Variants in MAF observed in about 807,000 individuals in gnomAD.
The protein encoded by MAF is transcription factor Maf.
MAF carries 10 observed loss-of-function variants against 22.0 expected under a neutral mutation model. The ratio of observed to expected loss-of-function variants is 0.45; its 90% CI spans 0.28 to 0.77. The LOEUF is 0.77. MAF is among the 30% of genes least tolerant of loss of function. The pLI is 0.12. For synonymous variants in MAF, 337 were observed against 255.8 expected, an observed-to-expected ratio of 1.32 and a Z score of -3.03; for missense variants, 544 against 548.4, an observed-to-expected ratio of 0.99 and a Z score of 0.08.
chr16:79,577,344 G>A, the MAF span, among the ~76,000 whole-genome samples: 223 of 152,310 alleles, frequency 1.5e-3, 1 homozygote, highest in African/African-American at 5.2e-3. Flanking sequence ...GGAGGAATGA[G>A]GGAATCAACT....
At chr16:79,504,545 C>T in the MAF span, among the ~76,000 whole-genome samples, 3 of 151,978 alleles carry the variant, frequency 2.0e-5, no homozygotes, top group African/African-American at 7.3e-5. Context: ...AAACAATTAC[C>T]CAATAATTCT....
the MAF span, among the ~76,000 whole-genome samples, chr16:79,481,865 C>T: frequency 6.6e-6 from 1 of 152,180 alleles, no homozygotes; most frequent in East Asian, 1.9e-4. Context: ...GAGACAGTCA[C>T]AGGAAGGTGT....
chr16:79,452,633 T>A, the MAF span, among the ~76,000 whole-genome samples: 1 of 152,206 alleles, frequency 6.6e-6, no homozygotes, highest in Non-Finnish European at 1.5e-5. Context: ...TAATCGTGCA[T>A]CAGACTTGCT....
chr16:79,270,748 C>T, the MAF span, among the ~76,000 whole-genome samples: 1 of 152,224 alleles, frequency 6.6e-6, no homozygotes, highest in East Asian at 1.9e-4. Flanking sequence ...GCTTGGAAGG[C>T]GATCTCTTCC....
chr16:79,532,145 T>C, the MAF span, among the ~76,000 whole-genome samples: 1 of 152,212 alleles, frequency 6.6e-6, no homozygotes, highest in African/African-American at 2.4e-5. Context: ...CTGGGCATCT[T>C]GTGACTTTAT....
At chr16:79,258,767 C>T in the MAF span, among the ~76,000 whole-genome samples, 1 of 152,206 alleles carries the variant, frequency 6.6e-6, no homozygotes, top group African/African-American at 2.4e-5. Flanking sequence ...CTTCAAGAGC[C>T]TGCTCCAACC....
At chr16:79,598,755 T>C in intron 1 of MAF, 30 bp downstream of exon 1, 2 of 1,613,384 alleles carry the variant, frequency 1.2e-6, no homozygotes, top group Non-Finnish European at 1.7e-6. Context: ...CTTATCAGGG[T>C]GGCTAGCTGG....
chr16:79,539,261 C>G, the MAF span, among the ~76,000 whole-genome samples: 3 of 152,150 alleles, frequency 2.0e-5, no homozygotes, highest in Non-Finnish European at 4.4e-5. Flanking sequence ...CCCAGCACTT[C>G]GGGAGGCCGA....
At chr16:79,522,845 T>C in the MAF span, among the ~76,000 whole-genome samples, 35 of 152,328 alleles carry the variant, frequency 2.3e-4, no homozygotes, top group African/African-American at 8.4e-4. Flanking sequence ...CGGAGCTCCT[T>C]GGAGAAACTT....
chr16:79,464,901 A>G, the MAF span, among the ~76,000 whole-genome samples: 1 of 152,232 alleles, frequency 6.6e-6, no homozygotes, highest in African/African-American at 2.4e-5. Context: ...AAAAAGGGCC[A>G]CTAGACTAGA....
At chr16:79,597,342 A>G (rs1041111769) in intron 1 of MAF, 1 of 1,040,800 alleles carries the variant, frequency 9.6e-7, no homozygotes, top group African/African-American at 1.7e-5. Flanking sequence ...CACATTTGAC[A>G]ATGACCAAAA....
At chr16:79,525,730 T>C in the MAF span, among the ~76,000 whole-genome samples, 1 of 152,236 alleles carries the variant, frequency 6.6e-6, no homozygotes, top group African/African-American at 2.4e-5. Context: ...TTTCATGTAA[T>C]GATTATATCT....
the MAF span, among the ~76,000 whole-genome samples, chr16:79,341,748 C>A: frequency 1.0e-3 from 159 of 152,236 alleles, no homozygotes; most frequent in African/African-American, 3.7e-3. Flanking sequence ...GGAGTGGAAG[C>A]AGAGAGATCA....
the MAF span, among the ~76,000 whole-genome samples, chr16:79,353,897 C>T: frequency 1.3e-5 from 2 of 152,312 alleles, no homozygotes; most frequent in East Asian, 1.9e-4. Flanking sequence ...TCTAGACCCA[C>T]AAACCTTTCT....
At chr16:79,364,961 A>C in the MAF span, among the ~76,000 whole-genome samples, 1 of 152,238 alleles carries the variant, frequency 6.6e-6, no homozygotes, top group Non-Finnish European at 1.5e-5. Context: ...GGTTCAGGGC[A>C]CCACTGAAGG....
the MAF span, among the ~76,000 whole-genome samples, chr16:79,491,115 C>A: frequency 4.6e-5 from 7 of 152,130 alleles, no homozygotes; most frequent in South Asian, 8.3e-4. Context: ...GTAAGCAGTT[C>A]GAGATAGGAT....
At chr16:79,209,629 T>C in the MAF span, among the ~76,000 whole-genome samples, 4 of 152,262 alleles carry the variant, frequency 2.6e-5, no homozygotes, top group African/African-American at 9.6e-5. Context: ...AATGAAAATA[T>C]ATGACAGATA....
chr16:79,301,847 T>C, the MAF span, among the ~76,000 whole-genome samples: 1 of 152,158 alleles, frequency 6.6e-6, no homozygotes, highest in African/African-American at 2.4e-5. Flanking sequence ...CCCTGTGAAA[T>C]GGAAACTACA....
At chr16:79,492,729 G>A in the MAF span, among the ~76,000 whole-genome samples, 5 of 152,070 alleles carry the variant, frequency 3.3e-5, no homozygotes, top group East Asian at 3.9e-4. Flanking sequence ...AACATGCAGC[G>A]AATCTCATAA....
Sources: gnomAD v4.1 joint callset for allele counts (sites outside exome capture counted in the v4.1 genomes callset) on GRCh38, gnomAD v4.1.1 for gene constraint, MANE v1.5 for transcripts, NCBI Gene and HGNC (gene_info 2026-07-23, HGNC 2026-07-21) for gene names.